ZFAND3: variants seen among roughly 807,000 people sequenced by gnomAD.
ZFAND3 encodes the protein zinc finger AN1-type containing 3.
ZFAND3 carries 10 observed loss-of-function variants against 29.6 expected under a neutral mutation model. The ratio of observed to expected loss-of-function variants is 0.34; its 90% CI spans 0.21 to 0.57. The LOEUF (loss-of-function observed/expected upper bound fraction) is 0.57, where lower values mean the gene tolerates loss of function less well. ZFAND3 is among the 20% of genes least tolerant of loss of function. ZFAND3 has a pLI of 0.86. For missense variants in ZFAND3, 230 were observed against 304.5 expected (o/e 0.76, Z 1.82); for synonymous variants, 128 against 112.6 (o/e 1.14, Z -0.87).
intron 1 of ZFAND3, among the ~76,000 whole-genome samples, chr6:37,921,352 T>C (rs919375643): frequency 6.6e-6 from 1 of 152,102 alleles, no homozygotes; most frequent in East Asian, 1.9e-4. Flanking sequence ...AAGAGCTTGG[T>C]ATACTTACGT....
At chr6:37,881,103 G>A (rs1764887553) in intron 1 of ZFAND3, among the ~76,000 whole-genome samples, 1 of 151,644 alleles carries the variant, frequency 6.6e-6, no homozygotes. Context: ...ATGGAGTCTT[G>A]CTCTATTGCC....
intron 1 of ZFAND3, among the ~76,000 whole-genome samples, chr6:37,877,246 A>G (rs1008291801): frequency 2.0e-5 from 3 of 152,160 alleles, no homozygotes; most frequent in Admixed American, 6.5e-5. Flanking sequence ...CTTGTGAGGG[A>G]AAAAAAGTCC....
chr6:38,145,472 T>C (rs1484018431), intron 5 of ZFAND3, among the ~76,000 whole-genome samples: 1 of 152,214 alleles, frequency 6.6e-6, no homozygotes, highest in Non-Finnish European at 1.5e-5. Flanking sequence ...TTCTCAGTCA[T>C]GTAGGTTTAG....
At chr6:38,135,671 G>A (rs1470673501) in intron 5 of ZFAND3, among the ~76,000 whole-genome samples, 1 of 152,120 alleles carries the variant, frequency 6.6e-6, no homozygotes, top group Non-Finnish European at 1.5e-5. Flanking sequence ...CTGGAATCTG[G>A]GAGTTGGAGG....
At chr6:37,997,269 A>C (rs1346086531) in intron 2 of ZFAND3, among the ~76,000 whole-genome samples, 3 of 152,228 alleles carry the variant, frequency 2.0e-5, no homozygotes, top group Non-Finnish European at 4.4e-5. Flanking sequence ...TTAACGTATC[A>C]GTCTTCTTCT....
intron 4 of ZFAND3, 56 bp downstream of exon 4, chr6:38,082,513 A>G: frequency 6.5e-7 from 1 of 1,544,252 alleles, no homozygotes; most frequent in Non-Finnish European, 8.9e-7. Context: ...CACAGAAGTT[A>G]GCAACTGGTT....
At chr6:38,113,195 C>G (rs1765353440) in intron 4 of ZFAND3, among the ~76,000 whole-genome samples, 1 of 152,140 alleles carries the variant, frequency 6.6e-6, no homozygotes, top group African/African-American at 2.4e-5. Context: ...TTTCTTCTGC[C>G]TTGCTTTAGA....
At chr6:38,035,351 G>T (rs1422883773) in intron 2 of ZFAND3, among the ~76,000 whole-genome samples, 1 of 152,052 alleles carries the variant, frequency 6.6e-6, no homozygotes, top group African/African-American at 2.4e-5. Context: ...TTAACAAAGG[G>T]TTCCCTCCTT....
intron 4 of ZFAND3, among the ~76,000 whole-genome samples, chr6:38,088,161 T>G (rs570183753): frequency 6.6e-6 from 1 of 152,214 alleles, no homozygotes; most frequent in African/African-American, 2.4e-5. Context: ...GTGGTACTTA[T>G]ACACAATGGA....
At chr6:37,834,261 A>G (rs145528800) in intron 1 of ZFAND3, among the ~76,000 whole-genome samples, 3 of 152,306 alleles carry the variant, frequency 2.0e-5, no homozygotes, top group African/African-American at 7.2e-5. Flanking sequence ...TACAGTATGT[A>G]GCCTTTTCAG....
chr6:38,100,224 A>G (rs937938490), intron 4 of ZFAND3, among the ~76,000 whole-genome samples: 2 of 151,712 alleles, frequency 1.3e-5, no homozygotes, highest in Non-Finnish European at 2.9e-5. Context: ...CCACCACGCC[A>G]AGCTCGTTTT....
At chr6:37,956,120 G>A (rs1453415844) in intron 2 of ZFAND3, among the ~76,000 whole-genome samples, 1 of 152,132 alleles carries the variant, frequency 6.6e-6, no homozygotes, top group African/African-American at 2.4e-5. Flanking sequence ...AAATTGCCAC[G>A]TTAAGATGAG....
chr6:37,914,672 CTTT>C (rs71542148), intron 1 of ZFAND3, among the ~76,000 whole-genome samples: 6 of 114,210 alleles, frequency 5.3e-5, no homozygotes, highest in African/African-American at 2.1e-4. Flanking sequence ...CTTTTTTTTT[CTTT>C]TTTTTTTAGT....
intron 1 of ZFAND3, chr6:37,915,756 T>G (rs1451063610): frequency 6.6e-6 from 1 of 152,180 alleles, no homozygotes; most frequent in Non-Finnish European, 1.5e-5. Flanking sequence ...TGCTATGTGT[T>G]TTTAAAAAAT....
chr6:37,903,824 G>A (rs1248968773), intron 1 of ZFAND3, among the ~76,000 whole-genome samples: 1 of 152,148 alleles, frequency 6.6e-6, no homozygotes, highest in Non-Finnish European at 1.5e-5. Context: ...TAAGTTGCTA[G>A]CTGCTATTCT....
chr6:38,078,037 C>G (rs950465536), intron 3 of ZFAND3, among the ~76,000 whole-genome samples: 1 of 152,132 alleles, frequency 6.6e-6, no homozygotes, highest in East Asian at 1.9e-4. Context: ...TCTGTTTTTG[C>G]AGGTTACAGT....
chr6:37,850,397 A>T lies in ZFAND3; in HGVS notation c.71+30381A>T, dbSNP rs116760200. Among the ~76,000 whole-genome samples the T allele has an allele frequency of 3.8e-3, 585 of 152,330 alleles. 3 individuals carry two copies. The highest frequency in any genetic ancestry group is 0.013 in the African/African-American group (554 of 41,576). On this transcript the variant is annotated intron_variant, in intron 1 of 5. Transcript: ENST00000287218. ...AGAAATGACTCTAGGCACTGGGCAT[A>T]CGGAGAATAAGTCACTGCCCTCATG...
chr6:38,019,896 A>G (rs1192433337), intron 2 of ZFAND3, among the ~76,000 whole-genome samples: 3 of 151,976 alleles, frequency 2.0e-5, no homozygotes, highest in Non-Finnish European at 4.4e-5. Flanking sequence ...TAATTTTTGT[A>G]TTTTTAGTAG....
chr6:37,839,185 T>C (rs1764023193), intron 1 of ZFAND3, among the ~76,000 whole-genome samples: 1 of 109,858 alleles, frequency 9.1e-6, no homozygotes, highest in South Asian at 2.8e-4. Context: ...TTGTAAAATT[T>C]CTTTTTTTTT....
Sources: gnomAD v4.1 joint callset for allele counts (sites outside exome capture counted in the v4.1 genomes callset) on GRCh38, gnomAD v4.1.1 for gene constraint, MANE v1.5 for transcripts, NCBI Gene and HGNC (gene_info 2026-07-23, HGNC 2026-07-21) for gene names.